YIPF6: variants seen among roughly 807,000 people sequenced by gnomAD.
YIPF6 encodes the protein Yip1 domain family member 6.
YIPF6 carries 3 observed loss-of-function variants against 16.8 expected under a neutral mutation model. The observed-to-expected ratio is 0.18, with a 90% CI of 0.08 to 0.46. The LOEUF (loss-of-function observed/expected upper bound fraction) is 0.46, where lower values mean the gene tolerates loss of function less well. Ranked by LOEUF, YIPF6 falls within the 20% of genes least tolerant of loss-of-function variation. The pLI, the probability that YIPF6 is intolerant of heterozygous loss-of-function variation, is 0.98. For synonymous variants in YIPF6, 67 were observed against 61.9 expected (o/e 1.08, Z -0.38); for missense variants, 145 against 184.9 (o/e 0.78, Z 1.25).
chrX:68,516,405 G>T (rs189637309), intron 3 of YIPF6, among the ~76,000 whole-genome samples: 1 of 111,178 alleles, frequency 9.0e-6, no homozygotes, highest in Non-Finnish European at 1.9e-5. Context: ...TGTACTAGAT[G>T]TCACTAGGTG....
intron 6 of YIPF6, among the ~76,000 whole-genome samples, chrX:68,524,921 A>G (rs1269402448): frequency 8.9e-6 from 1 of 111,791 alleles, no homozygotes; most frequent in Admixed American, 9.6e-5. Context: ...ATTGATGGGC[A>G]TTTGGGTTGG....
chrX:68,533,175 CTT>C lies in YIPF6; in HGVS notation c.*1178_*1179del, dbSNP rs2079178584. ...AGCAATTTATTTTATTGATTTTAGACTTTATCAAGCTAATTAGCTCCCCTTTA... is the reference window on the plus strand; with the variant it reads ...AGCAATTTATTTTATTGATTTTAGACTATCAAGCTAATTAGCTCCCCTTTA... On this transcript the variant is annotated 3_prime_UTR_variant, in exon 7 of 7. Transcript: ENST00000462683. The C allele has an allele frequency of 9.0e-6, 1 of 111,625 alleles. No homozygotes were observed. Among genetic ancestry groups the C allele is most frequent in the Non-Finnish European group, 1.9e-5 (1 of 53,147 alleles). 9.2% of individuals were successfully genotyped at this position (111,625 alleles called of 1,213,427 possible).
chrX:68,519,735 T>G (rs759213894), intron 4 of YIPF6, among the ~76,000 whole-genome samples: 1 of 110,911 alleles, frequency 9.0e-6, no homozygotes, highest in South Asian at 3.9e-4. Context: ...GGGTCTAAAT[T>G]CACTAAGTTT....
chrX:68,534,334 T>C lies in YIPF6; in HGVS notation c.*2335T>C, dbSNP rs2079183346. ...TTTACAAAATATAGTAACTCTTGAT[T>C]ACTGAAAATGTCAAATCCTAGAAAA... On this transcript the variant is annotated 3_prime_UTR_variant, in exon 7 of 7. Coordinates refer to ENST00000462683, the MANE Select transcript of YIPF6 (RefSeq NM_173834.4). The C allele has an allele frequency of 9.0e-6, 1 of 111,469 alleles. No homozygotes were observed. Among genetic ancestry groups the C allele is most frequent in the Admixed American group, 9.6e-5 (1 of 10,459 alleles). 9.2% of individuals were successfully genotyped at this position (111,469 alleles called of 1,213,427 possible).
At chrX:68,521,575 G>T in intron 5 of YIPF6, 78 bp downstream of exon 5, 2 of 1,010,464 alleles carry the variant, frequency 2.0e-6, no homozygotes, top group East Asian at 3.3e-5. Context: ...AGGCTAGCTA[G>T]ATTTTTTTTT....
At chrX:68,525,978 G>A (rs1375597059) in intron 6 of YIPF6, among the ~76,000 whole-genome samples, 1 of 111,482 alleles carries the variant, frequency 9.0e-6, no homozygotes, top group Non-Finnish European at 1.9e-5. Flanking sequence ...GCTCTTTTTT[G>A]GTTCCATATG....
At position 68,534,246 on chromosome X, in the gene YIPF6, T is replaced by C. The variant is rs905842887; in HGVS notation, c.*2247T>C. ...TCACATCATTCTAGTATATGGACTTTGGAAACAAAAGACATTGTTCTATTT... is the reference window on the plus strand; with the variant it reads ...TCACATCATTCTAGTATATGGACTTCGGAAACAAAAGACATTGTTCTATTT... On this transcript the variant is annotated 3_prime_UTR_variant, in exon 7 of 7. Coordinates refer to ENST00000462683, the MANE Select transcript of YIPF6 (RefSeq NM_173834.4). The C allele has an allele frequency of 8.9e-6, 1 of 112,184 alleles. No homozygotes were observed. The highest frequency in any genetic ancestry group is 9.5e-5 in the Admixed American group (1 of 10,563). 9.2% of individuals were successfully genotyped at this position (112,184 alleles called of 1,213,427 possible).
At position 68,499,219 on chromosome X, in the gene YIPF6, C is replaced by T; in HGVS notation, c.57+96C>T. The T allele has an allele frequency of 4.7e-6, 5 of 1,052,866 alleles. No homozygotes were observed. The South Asian group carries it at 9.1e-5, about 19-fold the overall frequency. The allele number at this position is 1,052,866 out of a possible 1,213,427, so 86.8% of individuals were successfully genotyped here. Reference sequence around the variant, plus strand: ...GGCTCGTGGCCTGAGAGCCGGAGCTCCTTCCGCCCGGCAGGCCCTTCTTGT... The same window carrying T: ...GGCTCGTGGCCTGAGAGCCGGAGCTTCTTCCGCCCGGCAGGCCCTTCTTGT... On this transcript the variant is annotated intron_variant, in intron 1 of 6. Transcript: ENST00000462683.
rs1431979255 is a variant in YIPF6 at position 68,532,390 on chromosome X, G to C, written c.*391G>C. 2 of 118,284 alleles carry C rather than the reference G, an allele frequency of 1.7e-5. No individual in the cohort carries two copies. Among genetic ancestry groups the C allele is most frequent in the African/African-American group, 6.5e-5 (2 of 30,857 alleles). The allele number at this position is 118,284 out of a possible 1,213,427, so 9.7% of individuals were successfully genotyped here. On this transcript the variant is annotated 3_prime_UTR_variant, in exon 7 of 7. Transcript: ENST00000462683. Reference sequence around the variant, plus strand: ...TTTTGAGAATACCAGTTCAGGTGCAGCTCTTAAACACATTGCCTTATGACT... The same window carrying C: ...TTTTGAGAATACCAGTTCAGGTGCACCTCTTAAACACATTGCCTTATGACT...
chrX:68,518,721 A>G, intron 3 of YIPF6, 49 bp from the exon 4 acceptor site: 2 of 1,163,335 alleles, frequency 1.7e-6, no homozygotes, highest in Non-Finnish European at 2.3e-6. Flanking sequence ...AGATATTAGA[A>G]TAAAGACAGA....
intron 1 of YIPF6, 80 bp downstream of exon 1, chrX:68,499,203 C>A: frequency 9.1e-7 from 1 of 1,098,166 alleles, no homozygotes; most frequent in Non-Finnish European, 1.2e-6. Context: ...GGGCTCGTGG[C>A]CTGAGAGCCG....
chrX:68,531,917 A>G lies in YIPF6; in HGVS notation c.629A>G (p.Asn210Ser). The G allele has an allele frequency of 8.4e-7, 1 of 1,195,158 alleles. No individual in the cohort carries two copies. Among genetic ancestry groups the G allele is most frequent in the Non-Finnish European group, 1.1e-6 (1 of 885,403 alleles). ...TTCCTTGCTGATAGCCAGCCTCCAA[A>G]CCGCAGAGCCCTAGCTGTTTATCCT... is the stretch of plus-strand genomic sequence containing the variant. ...TAFLADSQPPNRRALAVYPVF... is the reference protein window; with the variant it reads ...TAFLADSQPPSRRALAVYPVF... Residue 210 changes from asparagine (N) to serine (S), a missense_variant, in exon 7 of 7, where the codon AAC (asparagine) becomes AGC (serine). Transcript: ENST00000462683.
chrX:68,516,467 G>A (rs181197874), intron 3 of YIPF6, among the ~76,000 whole-genome samples: 12 of 111,086 alleles, frequency 1.1e-4, no homozygotes, highest in East Asian at 2.8e-4. Flanking sequence ...ATCATTGACC[G>A]AAATATCATT....
intron 1 of YIPF6, among the ~76,000 whole-genome samples, chrX:68,499,467 G>A (rs2079032821): frequency 9.0e-6 from 1 of 111,565 alleles, no homozygotes; most frequent in South Asian, 3.7e-4. Context: ...ATCAAAACCT[G>A]TCACCAGCCT....
chrX:68,503,347 G>A (rs2079047739), intron 1 of YIPF6, among the ~76,000 whole-genome samples: 1 of 112,318 alleles, frequency 8.9e-6, no homozygotes, highest in Non-Finnish European at 1.9e-5. Context: ...GCCAGGCAGA[G>A]CAATGTTCAT....
intron 1 of YIPF6, among the ~76,000 whole-genome samples, chrX:68,503,368 G>A (rs762376194): frequency 8.9e-6 from 1 of 112,144 alleles, no homozygotes; most frequent in South Asian, 3.7e-4. Flanking sequence ...GTGTGTTTCT[G>A]TGAGCACATC....
Position 68,521,414 on chromosome X carries a change from G to C in YIPF6, c.351G>C (p.Gly117=). 2 of 1,210,548 alleles carry C rather than the reference G, an allele frequency of 1.7e-6. No individual in the cohort carries two copies. The highest frequency in any genetic ancestry group is 2.2e-6 in the Non-Finnish European group (2 of 894,910). Residue 117 remains glycine, a synonymous_variant, in exon 5 of 7, where the codon GGG becomes GGC. Transcript: ENST00000462683. Reference sequence around the variant, plus strand: ...CTGCAGATAGTGAAAAAGATGGAGGGCCCCAATTTGCAGAGGTGTTTGTCA... The same window carrying C: ...CTGCAGATAGTGAAAAAGATGGAGGCCCCCAATTTGCAGAGGTGTTTGTCA... ...RDSADSEKDG[G]PQFAEVFVIV...
chrX:68,512,968 A>G (rs149861967), intron 2 of YIPF6, among the ~76,000 whole-genome samples: 2,180 of 111,032 alleles, frequency 0.02, 66 homozygotes, highest in African/African-American at 0.068. Flanking sequence ...CTCATCTTCT[A>G]TGAACTGAAT....
At chrX:68,515,283 G>A (rs954775482) in intron 3 of YIPF6, 2 of 104,111 alleles carry the variant, frequency 1.9e-5, no homozygotes, top group Middle Eastern at 5.1e-3. Flanking sequence ...CCGGGATAGC[G>A]CCACTGCAGT....
Sources: gnomAD v4.1 joint callset for allele counts (sites outside exome capture counted in the v4.1 genomes callset) on GRCh38, gnomAD v4.1.1 for gene constraint, MANE v1.5 for transcripts, NCBI Gene and HGNC (gene_info 2026-07-23, HGNC 2026-07-21) for gene names.